Variants in ARV1 observed in about 807,000 individuals in gnomAD.
The protein encoded by ARV1 is ARV1 fatty acid homeostasis modulator.
Under a neutral mutation model 31.1 loss-of-function variants are expected in ARV1, and 26 were observed. The ratio of observed to expected loss-of-function variants is 0.84; its 90% CI spans 0.61 to 1.16. The LOEUF (loss-of-function observed/expected upper bound fraction) is 1.16, where lower values mean the gene tolerates loss of function less well. Ranked by LOEUF, ARV1 falls within the 50% of genes most tolerant of loss-of-function variation. ARV1 has a pLI of 0.00. For missense variants in ARV1, 281 were observed against 324.9 expected, an observed-to-expected ratio of 0.86 and a Z score of 1.04; for synonymous variants, 117 against 123.2, an observed-to-expected ratio of 0.95 and a Z score of 0.34.
At chr1:230,982,666 C>T (rs781625955) in intron 1 of ARV1, among the ~76,000 whole-genome samples, 1 of 152,158 alleles carries the variant, frequency 6.6e-6, no homozygotes, top group African/African-American at 2.4e-5. Context: ...TGTCTAATGG[C>T]CTTGTCGCTA....
intron 3 of ARV1, among the ~76,000 whole-genome samples, chr1:230,992,018 A>G (rs1310897889): frequency 1.3e-5 from 2 of 152,250 alleles, no homozygotes; most frequent in Middle Eastern, 3.4e-3. Flanking sequence ...CTGCATGACT[A>G]CAGTAGCCTC....
chr1:230,982,227 C>T (rs1052818105), intron 1 of ARV1, among the ~76,000 whole-genome samples: 1 of 152,190 alleles, frequency 6.6e-6, no homozygotes, highest in African/African-American at 2.4e-5. Flanking sequence ...TATGCTTGGC[C>T]ATCCAGGTAG....
At chr1:230,987,143 G>T (rs901612520) in intron 1 of ARV1, among the ~76,000 whole-genome samples, 6 of 152,122 alleles carry the variant, frequency 3.9e-5, no homozygotes, top group African/African-American at 7.2e-5. Flanking sequence ...CTGCAGTACT[G>T]CAATCCTCAA....
At chr1:230,981,771 G>A (rs1678915379) in intron 1 of ARV1, among the ~76,000 whole-genome samples, 1 of 152,050 alleles carries the variant, frequency 6.6e-6, no homozygotes, top group Non-Finnish European at 1.5e-5. Context: ...GGCTTATAAG[G>A]CCCTATGGAG....
At position 230,994,087 on chromosome 1, in the gene ARV1, G is replaced by C. The variant is rs113002752; in HGVS notation, c.449-1673G>C. On this transcript the variant is annotated intron_variant, in intron 3 of 5. Coordinates refer to ENST00000310256, the MANE Select transcript of ARV1 (RefSeq NM_022786.3). ...GTGGGTCACTAGTGCTGAAACTGAGGAAAGTCTCCCGACCCCCTTCAGTGT... is the reference window on the plus strand; with the variant it reads ...GTGGGTCACTAGTGCTGAAACTGAGCAAAGTCTCCCGACCCCCTTCAGTGT... Among the ~76,000 whole-genome samples the C allele has an allele frequency of 6.2e-3, 930 of 150,362 alleles. 7 individuals are homozygous for C. Among genetic ancestry groups the C allele is most frequent in the African/African-American group, 0.021 (871 of 40,878 alleles).
chr1:230,984,544 A>G (rs1679007723), intron 1 of ARV1, among the ~76,000 whole-genome samples: 1 of 152,150 alleles, frequency 6.6e-6, no homozygotes, highest in African/African-American at 2.4e-5. Flanking sequence ...AGAACGCCAC[A>G]CTTTGAGACG....
chr1:230,997,504 CTA>C (rs1386378298), intron 5 of ARV1, among the ~76,000 whole-genome samples: 9 of 151,832 alleles, frequency 5.9e-5, no homozygotes, highest in African/African-American at 2.2e-4. Flanking sequence ...TTCTAGGGTC[CTA>C]TCCTCACAAT....
intron 1 of ARV1, among the ~76,000 whole-genome samples, chr1:230,983,635 T>TA (rs1678974369): frequency 1.3e-5 from 2 of 151,944 alleles, no homozygotes; most frequent in Non-Finnish European, 2.9e-5. Context: ...CTTAAAGACT[T>TA]AAAGAAGGGA....
intron 1 of ARV1, among the ~76,000 whole-genome samples, chr1:230,984,375 T>TGTGCGCGTGC (rs1553303991): frequency 9.8e-5 from 12 of 122,246 alleles, no homozygotes; most frequent in African/African-American, 3.6e-4. Flanking sequence ...TGTGTGTGTG[T>TGTGCGCGTGC]GTGTGTGTGT....
chr1:230,993,910 T>A (rs1028851337), intron 3 of ARV1, among the ~76,000 whole-genome samples: 5 of 152,284 alleles, frequency 3.3e-5, no homozygotes, highest in East Asian at 3.9e-4. Context: ...ACTAAAAGAA[T>A]ATCTTACATA....
intron 5 of ARV1, among the ~76,000 whole-genome samples, chr1:230,999,123 G>T (rs1199244462): frequency 2.6e-5 from 4 of 152,074 alleles, no homozygotes; most frequent in Non-Finnish European, 4.4e-5. Flanking sequence ...ACGTAACTGT[G>T]TACTTTCCTT....
At chr1:230,997,528 C>T (rs1679404348) in intron 5 of ARV1, among the ~76,000 whole-genome samples, 1 of 152,046 alleles carries the variant, frequency 6.6e-6, no homozygotes, top group South Asian at 2.1e-4. Context: ...TTTCTAACAC[C>T]TCCACTCCCA....
At chr1:230,986,666 CTATTTTTTTTT>C (rs1172610007) in intron 1 of ARV1, among the ~76,000 whole-genome samples, 1,202 of 79,688 alleles carry the variant, frequency 0.015, 170 homozygotes, top group Middle Eastern at 0.041. Flanking sequence ...AATACTTTTC[CTATTTTTTTTT>C]TTTTTTTTTT....
intron 3 of ARV1, among the ~76,000 whole-genome samples, chr1:230,991,928 A>G (rs1026164921): frequency 1.3e-5 from 2 of 151,990 alleles, no homozygotes; most frequent in Non-Finnish European, 2.9e-5. Context: ...GCGCCCAGCC[A>G]CACTTCTACT....
In ARV1 at chr1:230,984,646, T is replaced by C. The variant is rs147321369; in HGVS notation, c.175-3674T>C. On this transcript the variant is annotated intron_variant, in intron 1 of 5. Coordinates refer to ENST00000310256, the MANE Select transcript of ARV1 (RefSeq NM_022786.3). Reference sequence around the variant, plus strand: ...GGCTTGATTAACTTTTATATCTAGGTTTAGGAAGGGGAGGGGGACTCAAAT... The same window carrying C: ...GGCTTGATTAACTTTTATATCTAGGCTTAGGAAGGGGAGGGGGACTCAAAT... Among the ~76,000 whole-genome samples the C allele has an allele frequency of 3.6e-3, 553 of 151,994 alleles. 4 individuals are homozygous for C. The highest frequency in any genetic ancestry group is 0.013 in the African/African-American group (523 of 41,452).
chr1:230,995,844 T>A lies in ARV1; in HGVS notation c.533T>A (p.Leu178Ter). ...MTAKKKPNFI[L>*]LLKALLLSSY... is the part of the protein sequence containing the mutation. ...GCAAAAAAAAAGCCCAACTTCATTTTGCTGCTGAAAGCATTATTATTATCT... is the reference window on the plus strand; with the variant it reads ...GCAAAAAAAAAGCCCAACTTCATTTAGCTGCTGAAAGCATTATTATTATCT... Residue 178 changes from leucine (L) to a stop codon, truncating the protein, a stop_gained, in exon 4 of 6, where the codon TTG (leucine) becomes TAG (stop). Coordinates refer to ENST00000310256, the MANE Select transcript of ARV1 (RefSeq NM_022786.3). LOFTEE classifies it high-confidence loss of function. 6.2e-7 allele frequency: 1 copy of A among 1,614,212 alleles called. No individual in the cohort carries two copies. The highest frequency in any genetic ancestry group is 8.5e-7 in the Non-Finnish European group (1 of 1,180,034).
intron 1 of ARV1, 89 bp from the exon 2 acceptor site, chr1:230,988,231 G>A (rs527271405): frequency 2.5e-5 from 30 of 1,192,206 alleles, no homozygotes; most frequent in Middle Eastern, 2.0e-4. Context: ...TGCTATCTGT[G>A]TCCAAAATAG....
At chr1:230,980,650 G>A (rs1678868746) in intron 1 of ARV1, among the ~76,000 whole-genome samples, 1 of 151,788 alleles carries the variant, frequency 6.6e-6, no homozygotes, top group African/African-American at 2.4e-5. Flanking sequence ...ACTTCCACCA[G>A]GTTTGCAACA....
chr1:230,994,839 C>T lies in ARV1; in HGVS notation c.449-921C>T, dbSNP rs1679318803. 3.9e-5 allele frequency among the ~76,000 whole-genome samples: 6 copies of T among 152,258 alleles called. No homozygotes were observed. In the South Asian group the frequency reaches 1.2e-3, roughly 32 times the overall value. On this transcript the variant is annotated intron_variant, in intron 3 of 5. Transcript: ENST00000310256. ...GATTACAGGCATGAGCCACCATGCC[C>T]AGCCCCTAAATTATTTTTATTGATC...
Sources: allele counts gnomAD v4.1 joint callset (sites outside exome capture counted in the v4.1 genomes callset), GRCh38; gene constraint gnomAD v4.1.1; transcripts MANE v1.5; gene names NCBI Gene and HGNC (gene_info 2026-07-23, HGNC 2026-07-21).